The following TUSC3 variants were observed in gnomAD, a reference collection of about 807,000 sequenced individuals.
The protein encoded by TUSC3 is tumor suppressor candidate 3.
Under a neutral mutation model 44.8 loss-of-function variants are expected in TUSC3, and 45 were observed. The ratio of observed to expected loss-of-function variants is 1.00; its 90% confidence interval spans 0.79 to 1.29. The LOEUF (loss-of-function observed/expected upper bound fraction) is 1.29, where lower values mean the gene tolerates loss of function less well. TUSC3 is among the 50% of genes most tolerant of loss of function. The pLI is 0.00. For synonymous variants in TUSC3, 212 were observed against 152.9 expected (o/e 1.39, Z -2.85); for missense variants, 519 against 437.9 (o/e 1.19, Z -1.65).
upstream of TUSC3, among the ~76,000 whole-genome samples, chr8:15,536,722 A>G (rs887289809): frequency 2.1e-5 from 3 of 140,850 alleles, no homozygotes; most frequent in Admixed American, 7.4e-5. Context: ...AAAAAAAAAA[A>G]AAGAATGCAG....
chr8:15,739,573 C>T (rs1033824478), intron 7 of TUSC3, among the ~76,000 whole-genome samples: 3 of 151,996 alleles, frequency 2.0e-5, no homozygotes, highest in African/African-American at 4.8e-5. Flanking sequence ...TTTAAAGCAG[C>T]GTGAAACATA....
At chr8:15,735,229 C>T (rs1324941018) in intron 7 of TUSC3, among the ~76,000 whole-genome samples, 3 of 151,822 alleles carry the variant, frequency 2.0e-5, no homozygotes, top group African/African-American at 7.3e-5. Context: ...GGTTCATCCT[C>T]CAGCATGAAC....
At chr8:15,622,525 T>C (rs1006068938) in intron 1 of TUSC3, among the ~76,000 whole-genome samples, 3 of 152,180 alleles carry the variant, frequency 2.0e-5, no homozygotes, top group African/African-American at 7.2e-5. Context: ...CCACCTGTGC[T>C]GTCTACCAGT....
At chr8:15,491,104 G>T (rs1054142480) in intron 2 of TUSC3, among the ~76,000 whole-genome samples, 1 of 152,146 alleles carries the variant, frequency 6.6e-6, no homozygotes, top group Non-Finnish European at 1.5e-5. Flanking sequence ...CATTTGTCTC[G>T]TGCTCAGTGA....
the TUSC3 span, among the ~76,000 whole-genome samples, chr8:15,842,466 T>A: frequency 6.6e-6 from 1 of 152,206 alleles, no homozygotes; most frequent in African/African-American, 2.4e-5. Flanking sequence ...ATTTATTTTA[T>A]CCTGACAGTT....
At chr8:15,723,945 C>G (rs1810401832) in intron 6 of TUSC3, among the ~76,000 whole-genome samples, 1 of 152,120 alleles carries the variant, frequency 6.6e-6, no homozygotes, top group Non-Finnish European at 1.5e-5. Context: ...GAGGTATGAA[C>G]TGAATTCTTT....
At chr8:15,679,591 A>G (rs904066988) in intron 6 of TUSC3, among the ~76,000 whole-genome samples, 1 of 152,122 alleles carries the variant, frequency 6.6e-6, no homozygotes, top group African/African-American at 2.4e-5. Context: ...GAAGCTCTTC[A>G]GTATAATTAG....
chr8:15,488,277 G>C (rs149025496), intron 2 of TUSC3, among the ~76,000 whole-genome samples: 4 of 151,542 alleles, frequency 2.6e-5, no homozygotes, highest in African/African-American at 9.7e-5. Context: ...AATCCAAATT[G>C]CTTGAGCTCA....
chr8:15,728,102 A>G (rs1252362454), intron 6 of TUSC3, among the ~76,000 whole-genome samples: 1 of 152,216 alleles, frequency 6.6e-6, no homozygotes. Flanking sequence ...GAAAAGAAAT[A>G]CATAGGTTTC....
At chr8:15,561,773 GC>G (rs1554514713) in intron 1 of TUSC3, 1 of 148,522 alleles carries the variant, frequency 6.7e-6, no homozygotes, top group African/African-American at 2.5e-5. Flanking sequence ...TTTTCCAGGT[GC>G]CGTCCGTCAC....
the TUSC3 span, among the ~76,000 whole-genome samples, chr8:15,849,537 C>G: frequency 6.6e-6 from 1 of 152,076 alleles, no homozygotes; most frequent in Non-Finnish European, 1.5e-5. Flanking sequence ...ACAAAGAAAG[C>G]CCAACTTAAA....
chr8:15,681,036 T>C (rs916604212), intron 6 of TUSC3, among the ~76,000 whole-genome samples: 1 of 151,940 alleles, frequency 6.6e-6, no homozygotes, highest in Non-Finnish European at 1.5e-5. Flanking sequence ...GTGATATTGG[T>C]GTGTAAATTT....
the TUSC3 span, among the ~76,000 whole-genome samples, chr8:15,846,176 G>C: frequency 6.6e-6 from 1 of 152,108 alleles, no homozygotes; most frequent in Non-Finnish European, 1.5e-5. Context: ...TTTGAATGGG[G>C]ACACAGCCAA....
At chr8:15,550,276 A>T (rs1039667062) in intron 1 of TUSC3, among the ~76,000 whole-genome samples, 1 of 151,766 alleles carries the variant, frequency 6.6e-6, no homozygotes, top group East Asian at 1.9e-4. Context: ...ATAAGACAAT[A>T]TGATGGGTGG....
chr8:15,452,953 C>T (rs930075878), intron 1 of TUSC3, among the ~76,000 whole-genome samples: 2 of 152,106 alleles, frequency 1.3e-5, no homozygotes, highest in Non-Finnish European at 2.9e-5. Context: ...TTTATCCCTG[C>T]ACCACCAGAC....
At position 15,640,987 on chromosome 8, in the gene TUSC3, T is replaced by A. The variant is rs184111245; in HGVS notation, c.309-9710T>A. Among the ~76,000 whole-genome samples, 520 of 152,336 alleles carry A rather than the reference T, an allele frequency of 3.4e-3. 4 individuals carry two copies. The highest frequency in any genetic ancestry group is 0.012 in the African/African-American group (499 of 41,578). Reference sequence around the variant, plus strand: ...CATGAGGCATGTTTATCTGCTCCCATGTACTAGACATACCTCTTTGCCATG... The same window carrying A: ...CATGAGGCATGTTTATCTGCTCCCAAGTACTAGACATACCTCTTTGCCATG... On this transcript the variant is annotated intron_variant, in intron 2 of 10. Coordinates refer to ENST00000503731, the MANE Select transcript of TUSC3 (RefSeq NM_006765.4).
At chr8:15,770,094 C>T (rs73199329), downstream of TUSC3, among the ~76,000 whole-genome samples, 1 of 152,012 alleles carries the variant, frequency 6.6e-6, no homozygotes, top group East Asian at 1.9e-4. Flanking sequence ...AATCAATCTA[C>T]TTTAGATACA....
At chr8:15,584,323 C>CT (rs1368895110) in intron 1 of TUSC3, among the ~76,000 whole-genome samples, 1 of 152,100 alleles carries the variant, frequency 6.6e-6, no homozygotes, top group African/African-American at 2.4e-5. Flanking sequence ...TCTTCCCCCG[C>CT]TTTTTTGTAT....
intron 2 of TUSC3, among the ~76,000 whole-genome samples, chr8:15,519,924 A>G (rs1037202314): frequency 2.0e-5 from 3 of 152,208 alleles, no homozygotes; most frequent in African/African-American, 4.8e-5. Context: ...ATAACTCTCA[A>G]TATACCTAAA....
Sources: allele counts gnomAD v4.1 joint callset (sites outside exome capture counted in the v4.1 genomes callset), GRCh38; gene constraint gnomAD v4.1.1; transcripts MANE v1.5; gene names NCBI Gene and HGNC (gene_info 2026-07-23, HGNC 2026-07-21).